NALF1: variants seen among roughly 807,000 people sequenced by gnomAD.
NALF1 encodes NALCN channel auxiliary factor 1, also known as family with sequence similarity 155 member A.
Under a neutral mutation model 48.4 loss-of-function variants are expected in NALF1, and 3 were observed. That is an observed-to-expected ratio of 0.06 (90% confidence interval 0.03 to 0.16). NALF1 has a LOEUF of 0.16. Ranked by LOEUF, NALF1 falls within the 10% of genes least tolerant of loss-of-function variation. The pLI is 1.00. For synonymous variants in NALF1, 262 were observed against 245.7 expected (o/e 1.07, Z -0.62); for missense variants, 526 against 571.5 (o/e 0.92, Z 0.81).
rs560853483 is a variant in NALF1 at position 107,323,681 on chromosome 13, G to A, written c.916-112926C>T. Among the ~76,000 whole-genome samples the A allele has an allele frequency of 3.2e-4, 48 of 152,168 alleles. 1 individual carries two copies. In the South Asian group the frequency reaches 1.0e-2, roughly 32 times the overall value. On this transcript the variant is annotated intron_variant, in intron 1 of 2. Coordinates refer to ENST00000375915, the MANE Select transcript of NALF1 (RefSeq NM_001080396.3). The stretch of plus-strand genomic sequence containing the variant: ...AGACTCTAGTACCTGTACTACAGTC[G>A]ACCTGCAATAAACATTTCTCAAACA...
intron 1 of NALF1, among the ~76,000 whole-genome samples, chr13:107,807,246 TATA>T (rs925636011): frequency 1.3e-5 from 2 of 152,150 alleles, no homozygotes; most frequent in African/African-American, 4.8e-5. Flanking sequence ...ATATCTAAGA[TATA>T]ATATGCACAA....
At chr13:107,327,000 T>A (rs1882376629) in intron 1 of NALF1, among the ~76,000 whole-genome samples, 1 of 152,172 alleles carries the variant, frequency 6.6e-6, no homozygotes, top group Non-Finnish European at 1.5e-5. Context: ...GCTAGCCAGA[T>A]CCTGTCACAA....
chr13:107,343,355 T>C (rs761144834), intron 1 of NALF1, among the ~76,000 whole-genome samples: 42 of 152,142 alleles, frequency 2.8e-4, no homozygotes, highest in Non-Finnish European at 5.4e-4. Context: ...AATTTTCACA[T>C]GTTGTGGGAG....
intron 1 of NALF1, among the ~76,000 whole-genome samples, chr13:107,228,809 C>A (rs960646854): frequency 2.6e-5 from 4 of 151,994 alleles, no homozygotes; most frequent in Non-Finnish European, 5.9e-5. Context: ...TTAGTTAAGA[C>A]GGGATTTCAC....
At chr13:107,735,264 G>A (rs1351707014) in intron 1 of NALF1, among the ~76,000 whole-genome samples, 1 of 152,204 alleles carries the variant, frequency 6.6e-6, no homozygotes, top group Non-Finnish European at 1.5e-5. Context: ...AACCTGGGTA[G>A]TAAAGGCATC....
intron 1 of NALF1, among the ~76,000 whole-genome samples, chr13:107,688,108 G>A (rs965761336): frequency 4.6e-5 from 7 of 152,000 alleles, no homozygotes; most frequent in Non-Finnish European, 1.0e-4. Flanking sequence ...CCTTATATGT[G>A]GTAAATGTGT....
intron 1 of NALF1, among the ~76,000 whole-genome samples, chr13:107,231,782 T>G (rs1442645464): frequency 6.6e-6 from 1 of 152,220 alleles, no homozygotes; most frequent in African/African-American, 2.4e-5. Context: ...GAATATGGCA[T>G]GAAGTTAAAG....
intron 1 of NALF1, among the ~76,000 whole-genome samples, chr13:107,323,423 G>A (rs1347819766): frequency 6.6e-6 from 1 of 152,094 alleles, no homozygotes; most frequent in Non-Finnish European, 1.5e-5. Flanking sequence ...CATGACTGTT[G>A]TTTATTTTTG....
intron 1 of NALF1, among the ~76,000 whole-genome samples, chr13:107,388,903 A>G (rs927310900): frequency 2.6e-5 from 4 of 152,240 alleles, no homozygotes; most frequent in African/African-American, 9.6e-5. Context: ...TACTGATAAT[A>G]CATTACACAT....
At chr13:107,545,075 A>T (rs532063392) in intron 1 of NALF1, among the ~76,000 whole-genome samples, 1 of 152,352 alleles carries the variant, frequency 6.6e-6, no homozygotes, top group East Asian at 1.9e-4. Flanking sequence ...CTTAGTACAT[A>T]TAAAGGTGAT....
intron 1 of NALF1, among the ~76,000 whole-genome samples, chr13:107,673,163 T>C (rs547114388): frequency 2.0e-5 from 3 of 152,310 alleles, no homozygotes; most frequent in Admixed American, 6.5e-5. Flanking sequence ...GACTTTCCAA[T>C]AGCTTATTAC....
chr13:107,349,585 C>A (rs899359487), intron 1 of NALF1, among the ~76,000 whole-genome samples: 18 of 151,904 alleles, frequency 1.2e-4, no homozygotes, highest in African/African-American at 3.4e-4. Flanking sequence ...TACTAAAATA[C>A]AAAAAATTAG....
At chr13:107,261,164 GT>G (rs1880920703) in intron 1 of NALF1, among the ~76,000 whole-genome samples, 2 of 152,314 alleles carry the variant, frequency 1.3e-5, no homozygotes, top group South Asian at 4.1e-4. Flanking sequence ...AAATACAAAT[GT>G]TTTAAACTTA....
At chr13:107,270,232 T>A (rs1246898235) in intron 1 of NALF1, among the ~76,000 whole-genome samples, 1 of 152,180 alleles carries the variant, frequency 6.6e-6, no homozygotes, top group Non-Finnish European at 1.5e-5. Context: ...AAACTTTTGA[T>A]CATTCCTTGA....
At position 107,551,611 on chromosome 13, in the gene NALF1, C is replaced by T. The variant is rs77687061; in HGVS notation, c.915+314071G>A. Among the ~76,000 whole-genome samples the T allele has an allele frequency of 0.025, 3,873 of 152,046 alleles. 378 individuals are homozygous for T. The East Asian group carries it at 0.35, about 14-fold the overall frequency. ...TTATTTTTTCAACTGTCAAGATTGA[C>T]GGTTGGGAAGCTGTCATCTTTATAA... On this transcript the variant is annotated intron_variant, in intron 1 of 2. Transcript: ENST00000375915.
chr13:107,591,891 G>A (rs560438040), intron 1 of NALF1, among the ~76,000 whole-genome samples: 19 of 152,012 alleles, frequency 1.2e-4, no homozygotes, highest in East Asian at 9.7e-4. Context: ...GATGGAGACC[G>A]TATGATCCTT....
chr13:107,574,064 G>C (rs1878065908), intron 1 of NALF1, among the ~76,000 whole-genome samples: 1 of 150,956 alleles, frequency 6.6e-6, no homozygotes, highest in Non-Finnish European at 1.5e-5. Context: ...AAGGTATATG[G>C]TATTTAGGTC....
intron 1 of NALF1, among the ~76,000 whole-genome samples, chr13:107,595,278 T>C (rs1046874712): frequency 1.1e-4 from 16 of 152,174 alleles, no homozygotes; most frequent in Admixed American, 2.0e-4. Flanking sequence ...TACCATATAA[T>C]GAGAACATTA....
At chr13:107,763,565 T>G (rs1479088428) in intron 1 of NALF1, among the ~76,000 whole-genome samples, 2 of 152,058 alleles carry the variant, frequency 1.3e-5, no homozygotes, top group Admixed American at 6.6e-5. Flanking sequence ...TTCAAAAATT[T>G]TTCTTGAAGC....
Sources: allele counts gnomAD v4.1 joint callset (sites outside exome capture counted in the v4.1 genomes callset), GRCh38; gene constraint gnomAD v4.1.1; transcripts MANE v1.5; gene names NCBI Gene and HGNC (gene_info 2026-07-23, HGNC 2026-07-21).